SLC35F1: variants seen among roughly 807,000 people sequenced by gnomAD.
SLC35F1 encodes the protein solute carrier family 35 member F1, also known as chromosome 6 open reading frame 169.
A neutral mutation model predicts 48.7 loss-of-function variants in SLC35F1; 14 were observed. That is an observed-to-expected ratio of 0.29 (90% confidence interval 0.19 to 0.45). SLC35F1 has a LOEUF of 0.45. Ranked by LOEUF, SLC35F1 falls within the 20% of genes least tolerant of loss-of-function variation. The pLI, the probability that SLC35F1 is intolerant of heterozygous loss-of-function variation, is 1.00. For missense variants in SLC35F1, 404 were observed against 500.0 expected, an observed-to-expected ratio of 0.81 and a Z score of 1.83; for synonymous variants, 190 against 202.2, an observed-to-expected ratio of 0.94 and a Z score of 0.51.
At chr6:118,132,538 G>A (rs867479725) in intron 1 of SLC35F1, among the ~76,000 whole-genome samples, 26 of 152,186 alleles carry the variant, frequency 1.7e-4, no homozygotes, top group African/African-American at 6.0e-4. Context: ...TGAGGTGGTT[G>A]TAGGATTAAT....
chr6:118,236,571 A>G (rs1459974630), intron 3 of SLC35F1, among the ~76,000 whole-genome samples: 1 of 152,204 alleles, frequency 6.6e-6, no homozygotes, highest in Admixed American at 6.5e-5. Flanking sequence ...GTGGGAAACT[A>G]TCTACACCTG....
At chr6:118,050,373 A>C (rs1772370710) in intron 1 of SLC35F1, among the ~76,000 whole-genome samples, 1 of 118,250 alleles carries the variant, frequency 8.5e-6, no homozygotes, top group Admixed American at 8.7e-5. Context: ...AATAATAATA[A>C]AATTTCAAAA....
Position 117,971,169 on chromosome 6 carries a change from G to T in SLC35F1, c.173+63270G>T, listed in dbSNP as rs1473306161. ...CACCCATTCCAAGTGGGAGAAATTG[G>T]CCAAAACAAAGGGGCTACAGGCCTC... On this transcript the variant is annotated intron_variant, in intron 1 of 7. Transcript: ENST00000360388. 2.0e-5 allele frequency among the ~76,000 whole-genome samples: 3 copies of T among 152,146 alleles called. No individual in the cohort carries two copies. The East Asian group carries it at 5.8e-4, about 29-fold the overall frequency.
At chr6:118,204,336 G>T (rs1774907565) in intron 2 of SLC35F1, among the ~76,000 whole-genome samples, 1 of 152,144 alleles carries the variant, frequency 6.6e-6, no homozygotes, top group Admixed American at 6.5e-5. Context: ...ACCATGTGAG[G>T]CCTCCTGAGC....
chr6:118,225,497 G>C (rs1216192901), intron 2 of SLC35F1, among the ~76,000 whole-genome samples: 1 of 152,076 alleles, frequency 6.6e-6, no homozygotes, highest in Non-Finnish European at 1.5e-5. Flanking sequence ...TAATCAAAAT[G>C]GATTGAAGAC....
chr6:118,093,489 T>G (rs1482747342), intron 1 of SLC35F1, among the ~76,000 whole-genome samples: 1 of 152,190 alleles, frequency 6.6e-6, no homozygotes. Context: ...GTTATTCCCA[T>G]GCTTTTCTCA....
At chr6:118,280,424 G>A (rs1775967467) in intron 6 of SLC35F1, among the ~76,000 whole-genome samples, 1 of 152,170 alleles carries the variant, frequency 6.6e-6, no homozygotes, top group African/African-American at 2.4e-5. Flanking sequence ...CTTGTGGTAT[G>A]CAGGGGCCTT....
chr6:118,255,827 G>A (rs2114608520), intron 3 of SLC35F1, among the ~76,000 whole-genome samples: 1 of 152,276 alleles, frequency 6.6e-6, no homozygotes, highest in South Asian at 2.1e-4. Flanking sequence ...CATTTGATTA[G>A]CTTAGCTCTC....
chr6:118,113,991 A>AT (rs1215543639), intron 1 of SLC35F1, among the ~76,000 whole-genome samples: 2 of 152,230 alleles, frequency 1.3e-5, no homozygotes, highest in African/African-American at 4.8e-5. Flanking sequence ...AATGTGATAC[A>AT]TACACAATAC....
intron 2 of SLC35F1, among the ~76,000 whole-genome samples, chr6:118,211,758 G>T (rs548215800): frequency 6.6e-6 from 1 of 152,200 alleles, no homozygotes; most frequent in Non-Finnish European, 1.5e-5. Context: ...TAAATTCCAT[G>T]TCTGACCTTA....
intron 2 of SLC35F1, among the ~76,000 whole-genome samples, chr6:118,188,290 C>T (rs558411568): frequency 1.3e-5 from 2 of 152,332 alleles, no homozygotes; most frequent in East Asian, 3.9e-4. Context: ...TGGCTCACGC[C>T]TGTAATCCCA....
chr6:117,910,765 G>C (rs373709940), intron 1 of SLC35F1, among the ~76,000 whole-genome samples: 26 of 152,290 alleles, frequency 1.7e-4, no homozygotes, highest in African/African-American at 5.8e-4. Flanking sequence ...AGAAATATTA[G>C]ACTGTGAGCA....
At chr6:118,306,649 C>T (rs1776315233) in intron 7 of SLC35F1, among the ~76,000 whole-genome samples, 1 of 152,154 alleles carries the variant, frequency 6.6e-6, no homozygotes, top group Admixed American at 6.6e-5. Context: ...CATTGAATGG[C>T]CTTTGTTGTA....
intron 1 of SLC35F1, among the ~76,000 whole-genome samples, chr6:117,948,521 C>T (rs1776322273): frequency 6.6e-6 from 1 of 152,122 alleles, no homozygotes; most frequent in Non-Finnish European, 1.5e-5. Context: ...CTAGACTTGT[C>T]ATCATAGCCC....
intron 3 of SLC35F1, among the ~76,000 whole-genome samples, chr6:118,242,199 A>G (rs1209386575): frequency 6.6e-6 from 1 of 152,238 alleles, no homozygotes; most frequent in African/African-American, 2.4e-5. Context: ...AATGTATGAG[A>G]CATCTATTGG....
intron 1 of SLC35F1, among the ~76,000 whole-genome samples, chr6:118,105,803 T>A (rs966375396): frequency 6.6e-6 from 1 of 152,216 alleles, no homozygotes; most frequent in African/African-American, 2.4e-5. Context: ...GATAGTATGA[T>A]GACCTTATCC....
chr6:117,946,150 C>A (rs1776292274), intron 1 of SLC35F1, among the ~76,000 whole-genome samples: 1 of 152,174 alleles, frequency 6.6e-6, no homozygotes, highest in South Asian at 2.1e-4. Flanking sequence ...TCACACCTAG[C>A]TTCCAAGTCC....
chr6:118,031,778 G>A (rs151143047), intron 1 of SLC35F1, among the ~76,000 whole-genome samples: 1 of 152,300 alleles, frequency 6.6e-6, no homozygotes, highest in Non-Finnish European at 1.5e-5. Flanking sequence ...AGAGTAAGGG[G>A]CAGTTTATGC....
chr6:117,960,715 T>C (rs5002415), intron 1 of SLC35F1, among the ~76,000 whole-genome samples: 51,465 of 151,952 alleles, frequency 0.34, 8,845 homozygotes, highest in Admixed American at 0.4. Flanking sequence ...TATCAAGTGA[T>C]GCTTGATAGA....
Sources: gnomAD v4.1 joint callset for allele counts (sites outside exome capture counted in the v4.1 genomes callset) on GRCh38, gnomAD v4.1.1 for gene constraint, MANE v1.5 for transcripts, NCBI Gene and HGNC (gene_info 2026-07-23, HGNC 2026-07-21) for gene names.